The following PWWP3B variants were observed in gnomAD, a reference collection of about 807,000 sequenced individuals.
PWWP3B encodes PWWP domain containing 3B, also known as PWWP domain-containing DNA repair factor 3B.
In PWWP3B, 5 loss-of-function variants were observed where a neutral mutation model predicts 15.7. The ratio of observed to expected loss-of-function variants is 0.32; its 90% CI spans 0.17 to 0.67. The LOEUF is 0.67. Among genes scored for constraint, PWWP3B ranks in the 30% least tolerant of loss-of-function variants. The pLI, the probability that PWWP3B is intolerant of heterozygous loss-of-function variation, is 0.74. For missense variants in PWWP3B, 519 were observed against 493.1 expected, an observed-to-expected ratio of 1.05 and a Z score of -0.50; for synonymous variants, 203 against 179.8, an observed-to-expected ratio of 1.13 and a Z score of -1.03.
intron 2 of PWWP3B, among the ~76,000 whole-genome samples, 153 bp from the exon 3 acceptor site, chrX:106,203,832 A>C (rs1923838858): frequency 8.9e-6 from 1 of 112,405 alleles, no homozygotes; most frequent in Middle Eastern, 4.2e-3. Context: ...TTATAAAAAT[A>C]AGAAGGAAAA....
chrX:106,173,234 C>T (rs764893887), intron 2 of PWWP3B, among the ~76,000 whole-genome samples: 1 of 111,134 alleles, frequency 9.0e-6, no homozygotes, highest in Non-Finnish European at 1.9e-5. Context: ...CATTCACTTA[C>T]GATAACTCAG....
At chrX:106,183,990 A>C (rs1248153278) in intron 2 of PWWP3B, among the ~76,000 whole-genome samples, 2 of 111,536 alleles carry the variant, frequency 1.8e-5, no homozygotes, top group African/African-American at 6.5e-5. Context: ...ATCTTTTTTA[A>C]GGTGTCTTTG....
chrX:106,172,118 G>A (rs1363975148), intron 2 of PWWP3B, among the ~76,000 whole-genome samples: 1 of 110,465 alleles, frequency 9.1e-6, no homozygotes, highest in African/African-American at 3.3e-5. Context: ...CCTGTATAGG[G>A]GAATTACCAT....
intron 2 of PWWP3B, among the ~76,000 whole-genome samples, chrX:106,201,124 A>G (rs754031704): frequency 1.8e-5 from 2 of 111,817 alleles, no homozygotes; most frequent in Admixed American, 9.4e-5. Context: ...GGGCATATGA[A>G]ATGAGTGCTT....
rs747411355 is a variant in PWWP3B at position 106,206,447 on chromosome X, A to G, written c.1015A>G (p.Asn339Asp). 4.1e-6 allele frequency: 5 copies of G among 1,208,540 alleles called. No individual in the cohort carries two copies. In the African/African-American group the frequency reaches 5.2e-5, roughly 13 times the overall value. The change falls in exon 4 of 4, where the codon AAT becomes GAT. Residue 339 changes from asparagine (N) to aspartate (D), a missense_variant. Physicochemically the swap from Asn to Asp is conservative, Grantham distance 23. Transcript: ENST00000357175. ...DYSHLMSSERNFQRLDFEELE... is the reference protein window; with the variant it reads ...DYSHLMSSERDFQRLDFEELE... ...TTCACATCTTATGAGTAGTGAAAGA[A>G]ATTTTCAGAGACTGGATTTTGAAGA...
At chrX:106,193,194 A>C (rs1304059819) in intron 2 of PWWP3B, among the ~76,000 whole-genome samples, 10 of 111,023 alleles carry the variant, frequency 9.0e-5, no homozygotes, top group South Asian at 3.9e-4. Context: ...GTAGGTCACT[A>C]AGGACTTGCT....
At chrX:106,201,150 G>A (rs1923685245) in intron 2 of PWWP3B, among the ~76,000 whole-genome samples, 1 of 112,432 alleles carries the variant, frequency 8.9e-6, no homozygotes, top group Admixed American at 9.4e-5. Context: ...GTAAGCCAAT[G>A]ATTTTAACAT....
intron 2 of PWWP3B, among the ~76,000 whole-genome samples, chrX:106,190,297 A>G (rs1376742695): frequency 8.9e-6 from 1 of 112,495 alleles, no homozygotes; most frequent in Admixed American, 9.3e-5. Flanking sequence ...ATGGCCAGTA[A>G]TGATGAGCAT....
At chrX:106,200,858 C>T (rs1451111305) in intron 2 of PWWP3B, among the ~76,000 whole-genome samples, 1 of 110,071 alleles carries the variant, frequency 9.1e-6, no homozygotes, top group Non-Finnish European at 1.9e-5. Context: ...ATCATCCTGG[C>T]TAACACGGTG....
chrX:106,188,244 GC>G (rs746230959), intron 2 of PWWP3B, among the ~76,000 whole-genome samples: 83 of 110,373 alleles, frequency 7.5e-4, no homozygotes, highest in South Asian at 2.3e-3. Context: ...TGTTGTAGGT[GC>G]CCCCCCCATG....
At chrX:106,193,855 T>C (rs993434512) in intron 2 of PWWP3B, among the ~76,000 whole-genome samples, 1 of 112,345 alleles carries the variant, frequency 8.9e-6, no homozygotes, top group Admixed American at 9.4e-5. Flanking sequence ...TTTAAGAATG[T>C]TGAATATTCG....
intron 2 of PWWP3B, among the ~76,000 whole-genome samples, chrX:106,181,684 G>C (rs1922214402): frequency 8.9e-6 from 1 of 111,776 alleles, no homozygotes; most frequent in Non-Finnish European, 1.9e-5. Context: ...CTTCCTGCTG[G>C]ATAGGGGTGA....
intron 3 of PWWP3B, 103 bp from the exon 4 acceptor site, chrX:106,205,116 A>C: frequency 5.5e-6 from 1 of 182,863 alleles, no homozygotes; most frequent in Non-Finnish European, 1.0e-5. Context: ...CCCACTGCAC[A>C]TTGTTCTTTT....
intron 2 of PWWP3B, among the ~76,000 whole-genome samples, chrX:106,187,997 T>C (rs1328118236): frequency 1.8e-5 from 2 of 111,870 alleles, no homozygotes; most frequent in Non-Finnish European, 3.8e-5. Flanking sequence ...ACTTCTTTCT[T>C]CCTCCCCATT....
chrX:106,187,387 G>T (rs1167335967), intron 2 of PWWP3B, among the ~76,000 whole-genome samples: 1 of 111,028 alleles, frequency 9.0e-6, no homozygotes, highest in Non-Finnish European at 1.9e-5. Flanking sequence ...TTATTTATTG[G>T]CATGTGTAAG....
intron 2 of PWWP3B, among the ~76,000 whole-genome samples, chrX:106,193,344 C>G (rs1044256020): frequency 9.0e-6 from 1 of 110,581 alleles, no homozygotes; most frequent in Non-Finnish European, 1.9e-5. Flanking sequence ...CTGTTTTATC[C>G]GAGACTAGGA....
chrX:106,173,018 C>T (rs1257347646), intron 2 of PWWP3B, among the ~76,000 whole-genome samples: 2 of 111,956 alleles, frequency 1.8e-5, no homozygotes, highest in Admixed American at 1.9e-4. Context: ...TCACTATGCA[C>T]GACATGACTA....
At chrX:106,184,651 A>C (rs1343457084) in intron 2 of PWWP3B, among the ~76,000 whole-genome samples, 1 of 112,187 alleles carries the variant, frequency 8.9e-6, no homozygotes, top group Non-Finnish European at 1.9e-5. Context: ...ATTAAAGGCC[A>C]GGGTTTGATC....
At chrX:106,172,801 G>A (rs894314571) in intron 2 of PWWP3B, among the ~76,000 whole-genome samples, 13 of 111,340 alleles carry the variant, frequency 1.2e-4, no homozygotes, top group South Asian at 3.8e-4. Flanking sequence ...TATTAGGTAC[G>A]TCACATAATT....
Sources: gnomAD v4.1 joint callset for allele counts (sites outside exome capture counted in the v4.1 genomes callset) on GRCh38, gnomAD v4.1.1 for gene constraint, MANE v1.5 for transcripts, NCBI Gene and HGNC (gene_info 2026-07-23, HGNC 2026-07-21) for gene names.